PRELID2: variants seen among roughly 807,000 people sequenced by gnomAD.
PRELID2 encodes the protein PRELI domain-containing protein 2.
PRELID2 carries 25 observed loss-of-function variants against 28.4 expected under a neutral mutation model. The observed-to-expected ratio is 0.88, with a 90% CI of 0.64 to 1.23. The LOEUF is 1.23. Ranked by LOEUF, PRELID2 falls within the 50% of genes most tolerant of loss-of-function variation. The probability of loss-of-function intolerance (pLI) is 0.00; values close to 1 mark genes in which losing one functional copy is unlikely to be tolerated. For synonymous variants in PRELID2, 76 were observed against 71.6 expected (o/e 1.06, Z -0.31); for missense variants, 201 against 214.4 (o/e 0.94, Z 0.39).
At chr5:145,765,452 T>C (rs1325985425) in intron 5 of PRELID2, among the ~76,000 whole-genome samples, 1 of 152,170 alleles carries the variant, frequency 6.6e-6, no homozygotes. Flanking sequence ...ACTCCTTCCC[T>C]TTCCACCAAG....
chr5:145,665,933 T>C (rs1413291078), intron 1 of PRELID2, among the ~76,000 whole-genome samples: 1 of 145,992 alleles, frequency 6.8e-6, no homozygotes, highest in Non-Finnish European at 1.5e-5. Context: ...TTGTAAGTAA[T>C]AGAAACCAAT....
chr5:145,523,383 C>T (rs1257010370), intron 1 of PRELID2, among the ~76,000 whole-genome samples: 1 of 152,164 alleles, frequency 6.6e-6, no homozygotes, highest in East Asian at 1.9e-4. Flanking sequence ...TCAATTTGGC[C>T]CCAAACCATT....
At chr5:145,509,662 C>A (rs1752444167) in intron 1 of PRELID2, among the ~76,000 whole-genome samples, 1 of 152,206 alleles carries the variant, frequency 6.6e-6, no homozygotes, top group African/African-American at 2.4e-5. Flanking sequence ...TTGGTTTTCC[C>A]AAGCTCTTAG....
intron 1 of PRELID2, among the ~76,000 whole-genome samples, chr5:145,521,672 G>A (rs955512248): frequency 2.0e-5 from 3 of 152,070 alleles, no homozygotes; most frequent in Admixed American, 2.0e-4. Flanking sequence ...CAGGGAACAG[G>A]TAGCTGTCTA....
chr5:145,542,314 T>C (rs1326301931), intron 1 of PRELID2, among the ~76,000 whole-genome samples: 1 of 152,116 alleles, frequency 6.6e-6, no homozygotes, highest in Non-Finnish European at 1.5e-5. Context: ...GAAGGGAGTC[T>C]CCTAGTTACA....
At chr5:145,771,552 C>T (rs1445289267) in intron 5 of PRELID2, among the ~76,000 whole-genome samples, 1 of 151,326 alleles carries the variant, frequency 6.6e-6, no homozygotes, top group Non-Finnish European at 1.5e-5. Context: ...GAGAAGGAGG[C>T]TTAAGAAAAT....
intron 1 of PRELID2, among the ~76,000 whole-genome samples, chr5:145,711,583 G>A (rs1161488425): frequency 6.6e-6 from 1 of 152,156 alleles, no homozygotes; most frequent in Non-Finnish European, 1.5e-5. Context: ...GTGCTTACAT[G>A]GAAATCTGGG....
intron 1 of PRELID2, among the ~76,000 whole-genome samples, chr5:145,687,185 T>C (rs1755053679): frequency 6.6e-6 from 1 of 152,328 alleles, no homozygotes; most frequent in African/African-American, 2.4e-5. Context: ...GCAGTGTTAA[T>C]GGGACTCTTC....
Position 145,479,884 on chromosome 5 carries a change from G to T in PRELID2, n.71-6569C>A, listed in dbSNP as rs142133496. Among the ~76,000 whole-genome samples the T allele has an allele frequency of 1.6e-3, 241 of 152,280 alleles. 1 individual carries two copies. Among genetic ancestry groups the T allele is most frequent in the African/African-American group, 5.5e-3 (229 of 41,580 alleles). On this transcript the variant is annotated intron_variant and non_coding_transcript_variant, in intron 1 of 2. Coordinates refer to the PRELID2 transcript ENST00000510259. Reference sequence around the variant, plus strand: ...AAGATAACCCCAGAGAACTGAAAGAGGATCCTTTGAAAAATCCACAGGAGC... The same window carrying T: ...AAGATAACCCCAGAGAACTGAAAGATGATCCTTTGAAAAATCCACAGGAGC...
the PRELID2 span, among the ~76,000 whole-genome samples, chr5:145,433,321 G>A: frequency 6.6e-6 from 1 of 152,162 alleles, no homozygotes; most frequent in Non-Finnish European, 1.5e-5. Context: ...CGCTGCAGGT[G>A]ATTAAACTAC....
chr5:145,288,604 G>A, the PRELID2 span, among the ~76,000 whole-genome samples: 607 of 152,178 alleles, frequency 4.0e-3, 6 homozygotes, highest in African/African-American at 0.014. Flanking sequence ...AGGTGTGCTG[G>A]TTGCTACTGA....
the PRELID2 span, among the ~76,000 whole-genome samples, chr5:145,280,614 C>T: frequency 6.6e-6 from 1 of 151,826 alleles, no homozygotes; most frequent in African/African-American, 2.4e-5. Flanking sequence ...AACTAACCTG[C>T]ACATTGTGCA....
the PRELID2 span, among the ~76,000 whole-genome samples, chr5:145,368,806 T>C: frequency 2.6e-5 from 4 of 151,902 alleles, no homozygotes; most frequent in East Asian, 7.7e-4. Context: ...TGTTGTTTTT[T>C]TTCATTATTT....
the PRELID2 span, among the ~76,000 whole-genome samples, chr5:145,321,663 T>G: frequency 1.3e-5 from 2 of 152,218 alleles, no homozygotes; most frequent in South Asian, 4.1e-4. Context: ...TGGATATTGA[T>G]TTAAACTCAT....
At chr5:145,619,070 G>A (rs1449476714) in intron 1 of PRELID2, among the ~76,000 whole-genome samples, 1 of 152,136 alleles carries the variant, frequency 6.6e-6, no homozygotes, top group Admixed American at 6.5e-5. Flanking sequence ...TCCAGGCAGT[G>A]GGCAAGCAGG....
At chr5:145,808,359 C>A (rs543153374) in intron 4 of PRELID2, among the ~76,000 whole-genome samples, 15 of 151,732 alleles carry the variant, frequency 9.9e-5, no homozygotes, top group Admixed American at 3.3e-4. Context: ...GAAAAAAAAC[C>A]AAAAAGACTC....
chr5:145,266,024 G>A, the PRELID2 span, among the ~76,000 whole-genome samples: 1 of 152,116 alleles, frequency 6.6e-6, no homozygotes, highest in Non-Finnish European at 1.5e-5. Context: ...AGAGTAAACA[G>A]ACAACCCACA....
At chr5:145,493,338 T>C (rs1415270132) in intron 1 of PRELID2, among the ~76,000 whole-genome samples, 2 of 152,186 alleles carry the variant, frequency 1.3e-5, no homozygotes, top group Admixed American at 6.5e-5. Flanking sequence ...GTCCTTCCTT[T>C]ATCTCCAAAG....
chr5:145,811,580 G>A (rs902260248), intron 4 of PRELID2, among the ~76,000 whole-genome samples: 1 of 152,156 alleles, frequency 6.6e-6, no homozygotes, highest in Non-Finnish European at 1.5e-5. Flanking sequence ...GCCATGCCTG[G>A]AGCAGAGGTA....
Sources: allele counts gnomAD v4.1 joint callset (sites outside exome capture counted in the v4.1 genomes callset), GRCh38; gene constraint gnomAD v4.1.1; transcripts MANE v1.5; gene names NCBI Gene and HGNC (gene_info 2026-07-23, HGNC 2026-07-21).